The following TAS2R1 variants were observed in gnomAD, a reference collection of about 807,000 sequenced individuals.
TAS2R1 encodes the protein taste 2 receptor member 1, also known as taste receptor type 2 member 1.
For missense variants in TAS2R1, 370 were observed against 353.4 expected (o/e 1.05, Z -0.38); for synonymous variants, 141 against 134.2 (o/e 1.05, Z -0.35).
chr5:9,654,446 C>T (rs1454987010), intron 2 of TAS2R1, among the ~76,000 whole-genome samples: 2 of 151,914 alleles, frequency 1.3e-5, no homozygotes, highest in African/African-American at 4.8e-5. Context: ...AGATTAAACA[C>T]ATGAGAATAG....
the TAS2R1 span, among the ~76,000 whole-genome samples, chr5:9,827,377 C>T: frequency 2.5e-3 from 376 of 152,256 alleles, no homozygotes; most frequent in Non-Finnish European, 3.9e-3. Flanking sequence ...TATTCCAACA[C>T]CTCCTGCTTC....
At chr5:9,795,953 G>C in the TAS2R1 span, among the ~76,000 whole-genome samples, 1 of 152,098 alleles carries the variant, frequency 6.6e-6, no homozygotes, top group African/African-American at 2.4e-5. Flanking sequence ...ACATTTCCCA[G>C]GTCCTCTCCC....
At chr5:9,848,869 T>C in the TAS2R1 span, among the ~76,000 whole-genome samples, 3 of 152,242 alleles carry the variant, frequency 2.0e-5, no homozygotes, top group Non-Finnish European at 2.9e-5. Context: ...GCAACTAATA[T>C]ACCTGCTTAA....
upstream of TAS2R1, among the ~76,000 whole-genome samples, chr5:9,715,377 G>A (rs1022469773): frequency 1.3e-5 from 2 of 152,232 alleles, no homozygotes; most frequent in East Asian, 1.9e-4. Flanking sequence ...ACCCAATTGG[G>A]CAGCCTGCTG....
intron 2 of TAS2R1, among the ~76,000 whole-genome samples, chr5:9,640,068 C>T (rs992774711): frequency 1.3e-5 from 2 of 152,158 alleles, no homozygotes; most frequent in African/African-American, 4.8e-5. Context: ...TAAGATTAAC[C>T]ATTTCTAGCT....
At chr5:9,695,200 T>C (rs541441988) in intron 1 of TAS2R1, among the ~76,000 whole-genome samples, 40 of 152,246 alleles carry the variant, frequency 2.6e-4, no homozygotes, top group Non-Finnish European at 4.9e-4. Context: ...ATTGCTGTTC[T>C]GACTATAATT....
intron 1 of TAS2R1, among the ~76,000 whole-genome samples, chr5:9,692,196 G>C (rs966243004): frequency 2.0e-5 from 3 of 152,148 alleles, no homozygotes; most frequent in Non-Finnish European, 2.9e-5. Flanking sequence ...TTGTCAGAGC[G>C]CATCTGCAGC....
At chr5:9,866,545 C>T in the TAS2R1 span, among the ~76,000 whole-genome samples, 1 of 152,076 alleles carries the variant, frequency 6.6e-6, no homozygotes, top group Non-Finnish European at 1.5e-5. Flanking sequence ...ACTTTTTTTC[C>T]GTCTGGGACT....
the TAS2R1 span, among the ~76,000 whole-genome samples, chr5:9,719,261 G>A: frequency 2.0e-5 from 3 of 151,824 alleles, no homozygotes; most frequent in African/African-American, 7.3e-5. Context: ...TGTACACAGA[G>A]AAAGAGAGAG....
At chr5:9,725,003 T>C in the TAS2R1 span, among the ~76,000 whole-genome samples, 1 of 152,266 alleles carries the variant, frequency 6.6e-6, no homozygotes, top group Non-Finnish European at 1.5e-5. Flanking sequence ...GCTGTGCTTC[T>C]GTGATTTGGT....
At chr5:9,717,700 T>A in the TAS2R1 span, among the ~76,000 whole-genome samples, 2 of 151,302 alleles carry the variant, frequency 1.3e-5, no homozygotes, top group Non-Finnish European at 3.0e-5. Flanking sequence ...AAAAAAAGAA[T>A]TTCCATTTGG....
chr5:9,845,028 C>T, the TAS2R1 span, among the ~76,000 whole-genome samples: 6 of 152,150 alleles, frequency 3.9e-5, no homozygotes, highest in African/African-American at 1.4e-4. Context: ...TTACATCCTG[C>T]TATGGACTGA....
chr5:9,681,239 T>G (rs577807932), intron 1 of TAS2R1, among the ~76,000 whole-genome samples: 1 of 151,988 alleles, frequency 6.6e-6, no homozygotes, highest in Admixed American at 6.6e-5. Flanking sequence ...TTGTAACAAA[T>G]GTACTCTATT....
the TAS2R1 span, among the ~76,000 whole-genome samples, chr5:9,882,582 T>C: frequency 3.9e-5 from 6 of 152,168 alleles, no homozygotes; most frequent in Non-Finnish European, 8.8e-5. Context: ...GCCGAGATCA[T>C]GCCACTGCAC....
At chr5:9,772,101 T>G in the TAS2R1 span, among the ~76,000 whole-genome samples, 1 of 152,122 alleles carries the variant, frequency 6.6e-6, no homozygotes, top group Non-Finnish European at 1.5e-5. Flanking sequence ...TTAGGTTGTT[T>G]ATTCGAAGTT....
chr5:9,732,002 C>A, the TAS2R1 span, among the ~76,000 whole-genome samples: 1 of 152,080 alleles, frequency 6.6e-6, no homozygotes, highest in Non-Finnish European at 1.5e-5. Context: ...TATTTTATTG[C>A]AAGAGAGATA....
chr5:9,670,710 G>T (rs1454422385), intron 1 of TAS2R1, among the ~76,000 whole-genome samples: 1 of 152,136 alleles, frequency 6.6e-6, no homozygotes, highest in Non-Finnish European at 1.5e-5. Context: ...TCTACCAGAT[G>T]TATAACGAAG....
In TAS2R1 at chr5:9,629,361, G is replaced by A. The variant is rs778635176; in HGVS notation, c.672C>T (p.Ile224=). Residue 224 remains isoleucine, a synonymous_variant, in exon 1 of 1, where the codon ATC becomes ATT. Transcript: ENST00000382492. ...GSRVPGRGAP[I]SALLSILSFL... ...AGGACAGGATAGACAGCAACGCGCT[G>A]ATGGGTGCACCCCTGCCAGGAACCC... is the stretch of plus-strand genomic sequence containing the variant. 6.2e-7 allele frequency: 1 copy of A among 1,614,088 alleles called. No homozygotes were observed. The highest frequency in any genetic ancestry group is 8.5e-7 in the Non-Finnish European group (1 of 1,179,992).
At chr5:9,706,711 G>A (rs1741620110) in intron 1 of TAS2R1, among the ~76,000 whole-genome samples, 1 of 152,160 alleles carries the variant, frequency 6.6e-6, no homozygotes, top group Admixed American at 6.5e-5. Context: ...GGAGCTCAGA[G>A]GATATTTGAG....
Sources: allele counts gnomAD v4.1 joint callset (sites outside exome capture counted in the v4.1 genomes callset), GRCh38; gene constraint gnomAD v4.1.1; transcripts MANE v1.5; gene names NCBI Gene and HGNC (gene_info 2026-07-23, HGNC 2026-07-21).